Variants in LRP1B observed in about 807,000 individuals in gnomAD.
LRP1B encodes LDL receptor related protein 1B.
Under a neutral mutation model 556.6 loss-of-function variants are expected in LRP1B, and 217 were observed. The ratio of observed to expected loss-of-function variants is 0.39; its 90% CI spans 0.35 to 0.44. The LOEUF is 0.44. Ranked by LOEUF, LRP1B falls within the 20% of genes least tolerant of loss-of-function variation. LRP1B has a pLI of 1.00. For missense variants in LRP1B, 5,053 were observed against 5,620.8 expected, an observed-to-expected ratio of 0.90 and a Z score of 3.23; for synonymous variants, 2,047 against 1,865.8, an observed-to-expected ratio of 1.10 and a Z score of -2.50.
Position 141,228,549 on chromosome 2 carries a change from A to C in LRP1B, c.850+634T>G, listed in dbSNP as rs191638920. On this transcript the variant is annotated intron_variant, in intron 6 of 90. Coordinates refer to ENST00000389484, the MANE Select transcript of LRP1B (RefSeq NM_018557.3). Reference sequence around the variant, plus strand: ...GCAGGGAGAGAGAAGGAGAGAGAGAATATGTGTGCATCCCTGGGTGTCTGT... The same window carrying C: ...GCAGGGAGAGAGAAGGAGAGAGAGACTATGTGTGCATCCCTGGGTGTCTGT... 2.0e-3 allele frequency among the ~76,000 whole-genome samples: 290 copies of C among 147,486 alleles called. 2 individuals carry two copies. Among genetic ancestry groups the C allele is most frequent in the Non-Finnish European group, 3.6e-3 (243 of 66,998 alleles).
At chr2:140,407,763 G>C (rs961762207) in intron 66 of LRP1B, among the ~76,000 whole-genome samples, 1 of 151,808 alleles carries the variant, frequency 6.6e-6, no homozygotes, top group Non-Finnish European at 1.5e-5. Flanking sequence ...TTTGGAAAAC[G>C]GTATGGAAAT....
intron 6 of LRP1B, among the ~76,000 whole-genome samples, chr2:141,191,723 G>A (rs12616496): frequency 0.081 from 12,163 of 149,868 alleles, 521 homozygotes; most frequent in East Asian, 0.16. Flanking sequence ...CTTTAAAAGT[G>A]TGAATTATTT....
At chr2:140,722,272 C>T (rs903543323) in intron 35 of LRP1B, among the ~76,000 whole-genome samples, 1 of 152,146 alleles carries the variant, frequency 6.6e-6, no homozygotes, top group African/African-American at 2.4e-5. Flanking sequence ...CTGTCTGTTA[C>T]AACTAATGCT....
At chr2:140,268,190 G>T (rs1292362849) in intron 86 of LRP1B, among the ~76,000 whole-genome samples, 1 of 151,864 alleles carries the variant, frequency 6.6e-6, no homozygotes, top group Non-Finnish European at 1.5e-5. Context: ...TTTTGGTCAA[G>T]GAGAACCTTA....
chr2:141,706,294 C>T (rs544898870), intron 2 of LRP1B, among the ~76,000 whole-genome samples: 18 of 152,132 alleles, frequency 1.2e-4, no homozygotes, highest in African/African-American at 3.9e-4. Flanking sequence ...TTGTCTTCTC[C>T]GCCATGTAAA....
chr2:141,652,485 T>C (rs1270913635), intron 2 of LRP1B, among the ~76,000 whole-genome samples: 1 of 152,204 alleles, frequency 6.6e-6, no homozygotes, highest in African/African-American at 2.4e-5. Context: ...TCTGTATGTC[T>C]TTTTAGCAAC....
intron 41 of LRP1B, among the ~76,000 whole-genome samples, chr2:140,666,863 T>C (rs538923341): frequency 1.3e-5 from 2 of 152,222 alleles, no homozygotes; most frequent in South Asian, 2.1e-4. Context: ...CAGAGAATTA[T>C]ACTGTGTGAG....
At chr2:141,736,153 T>A (rs906402989) in intron 2 of LRP1B, among the ~76,000 whole-genome samples, 1 of 152,098 alleles carries the variant, frequency 6.6e-6, no homozygotes, top group Admixed American at 6.6e-5. Flanking sequence ...AAACCCAGAC[T>A]AAATTGGTGT....
At chr2:140,802,161 T>G (rs1375871023) in intron 32 of LRP1B, among the ~76,000 whole-genome samples, 2 of 152,144 alleles carry the variant, frequency 1.3e-5, no homozygotes, top group East Asian at 1.9e-4. Flanking sequence ...AATTTTCCAG[T>G]GGTTGTCAAT....
intron 35 of LRP1B, among the ~76,000 whole-genome samples, chr2:140,722,083 G>A (rs1030373419): frequency 2.0e-5 from 3 of 151,938 alleles, no homozygotes; most frequent in Admixed American, 6.6e-5. Context: ...CCTTAGATTA[G>A]TTTTCTTTAA....
intron 2 of LRP1B, among the ~76,000 whole-genome samples, chr2:141,759,304 GA>G (rs1478382898): frequency 1.3e-5 from 2 of 152,118 alleles, no homozygotes; most frequent in African/African-American, 4.8e-5. Context: ...TGCCCTGATA[GA>G]AGGGCAACAT....
chr2:140,679,083 C>G (rs1685773693), intron 41 of LRP1B, among the ~76,000 whole-genome samples: 1 of 152,032 alleles, frequency 6.6e-6, no homozygotes, highest in Non-Finnish European at 1.5e-5. Flanking sequence ...GGCCAGGCCT[C>G]TCTCTTTTTC....
chr2:141,226,402 A>T (rs1416964143), intron 6 of LRP1B, among the ~76,000 whole-genome samples: 4 of 152,130 alleles, frequency 2.6e-5, no homozygotes, highest in Non-Finnish European at 5.9e-5. Flanking sequence ...GAGACGTGCA[A>T]TTTTTTTAAA....
chr2:142,124,875 G>T (rs1380195317), intron 1 of LRP1B, among the ~76,000 whole-genome samples: 6 of 148,628 alleles, frequency 4.0e-5, no homozygotes, highest in Non-Finnish European at 9.0e-5. Flanking sequence ...GGCTTTTCCT[G>T]CAAGACCAGT....
At chr2:140,777,027 A>T (rs1689523649) in intron 32 of LRP1B, among the ~76,000 whole-genome samples, 1 of 152,136 alleles carries the variant, frequency 6.6e-6, no homozygotes, top group African/African-American at 2.4e-5. Flanking sequence ...TATCTGAAAA[A>T]CTTGTGTTCT....
At chr2:141,189,432 A>G (rs2105196217) in intron 6 of LRP1B, among the ~76,000 whole-genome samples, 1 of 152,168 alleles carries the variant, frequency 6.6e-6, no homozygotes, top group Non-Finnish European at 1.5e-5. Flanking sequence ...TGTATAGCCA[A>G]TCAATAACTT....
At chr2:142,047,649 G>A (rs1424491180) in intron 1 of LRP1B, among the ~76,000 whole-genome samples, 2 of 151,848 alleles carry the variant, frequency 1.3e-5, no homozygotes, top group African/African-American at 2.4e-5. Flanking sequence ...ACTGCATCTC[G>A]CAGCTTTTCC....
Position 141,591,354 on chromosome 2 carries a change from TG to T in LRP1B, c.206-110822del, listed in dbSNP as rs1687327831. ...TTTAGTACTGGTTTTTTTTTGTTGT[TG>T]TTTGTTTGTTTTTTTTTTTTTCCCA... On this transcript the variant is annotated intron_variant, in intron 2 of 90. Coordinates refer to ENST00000389484, the MANE Select transcript of LRP1B (RefSeq NM_018557.3). Among the ~76,000 whole-genome samples the T allele has an allele frequency of 1.0e-4, 9 of 86,206 alleles. No homozygotes were observed. In the Admixed American group the frequency reaches 1.3e-3, roughly 13 times the overall value. 56.6% of individuals were successfully genotyped at this position (86,206 alleles called of 152,430 possible).
At chr2:141,919,332 A>C (rs1203533920) in intron 1 of LRP1B, among the ~76,000 whole-genome samples, 1 of 152,180 alleles carries the variant, frequency 6.6e-6, no homozygotes, top group Non-Finnish European at 1.5e-5. Context: ...TTTGGCTTCA[A>C]ACAGGTCTTA....
Sources: allele counts gnomAD v4.1 joint callset (sites outside exome capture counted in the v4.1 genomes callset), GRCh38; gene constraint gnomAD v4.1.1; transcripts MANE v1.5; gene names NCBI Gene and HGNC (gene_info 2026-07-23, HGNC 2026-07-21).